Variants in PKNOX2 observed in about 807,000 individuals in gnomAD.
PKNOX2 encodes homeobox protein PKNOX2.
A neutral mutation model predicts 53.1 loss-of-function variants in PKNOX2; 14 were observed. That is an observed-to-expected ratio of 0.26 (90% CI 0.17 to 0.41). The LOEUF (loss-of-function observed/expected upper bound fraction) is 0.41. PKNOX2 is among the 10% of genes least tolerant of loss of function. The pLI is 1.00. For synonymous variants in PKNOX2, 257 were observed against 242.8 expected (o/e 1.06, Z -0.54); for missense variants, 496 against 602.8 (o/e 0.82, Z 1.85).
intron 5 of PKNOX2, among the ~76,000 whole-genome samples, chr11:125,383,220 C>A (rs1229205214): frequency 6.6e-6 from 1 of 152,148 alleles, no homozygotes; most frequent in Non-Finnish European, 1.5e-5. Flanking sequence ...GTTCCCCCAC[C>A]CACTTACAAA....
At chr11:125,279,733 A>T (rs1413977015) in intron 2 of PKNOX2, among the ~76,000 whole-genome samples, 1 of 152,234 alleles carries the variant, frequency 6.6e-6, no homozygotes, top group Non-Finnish European at 1.5e-5. Context: ...CCAGAGTAGG[A>T]TGCCAGTGAA....
chr11:125,274,084 G>T (rs1314817742), intron 2 of PKNOX2, among the ~76,000 whole-genome samples: 1 of 152,192 alleles, frequency 6.6e-6, no homozygotes, highest in Non-Finnish European at 1.5e-5. Context: ...ATTACTTAGT[G>T]TGTATTCTGT....
chr11:125,393,026 G>A (rs191582634), intron 6 of PKNOX2, among the ~76,000 whole-genome samples: 4 of 151,920 alleles, frequency 2.6e-5, no homozygotes, highest in Non-Finnish European at 5.9e-5. Context: ...TTAGCCCGGC[G>A]TGGTGGCGGG....
intron 12 of PKNOX2, 37 bp downstream of exon 12, chr11:125,430,178 T>TA (rs1565524881): frequency 6.3e-7 from 1 of 1,599,668 alleles, no homozygotes; most frequent in Non-Finnish European, 8.5e-7. Flanking sequence ...AGACAAGGGC[T>TA]GGGGGTGCTC....
At chr11:125,403,218 C>A (rs916568404) in intron 7 of PKNOX2, among the ~76,000 whole-genome samples, 5 of 152,138 alleles carry the variant, frequency 3.3e-5, no homozygotes, top group Admixed American at 1.3e-4. Flanking sequence ...GCGACACAGT[C>A]CCAGGTCTCC....
intron 2 of PKNOX2, among the ~76,000 whole-genome samples, chr11:125,264,583 C>T (rs879180447): frequency 2.0e-5 from 3 of 151,830 alleles, no homozygotes; most frequent in Non-Finnish European, 2.9e-5. Context: ...GGTGGGGTGG[C>T]GGGGCCGGGG....
At chr11:125,390,384 T>C (rs1021139630) in intron 6 of PKNOX2, among the ~76,000 whole-genome samples, 3 of 152,340 alleles carry the variant, frequency 2.0e-5, no homozygotes, top group African/African-American at 7.2e-5. Flanking sequence ...GCTCTGGAGC[T>C]AATATCTTCT....
At chr11:125,309,171 CCTCT>C (rs1272614995) in intron 2 of PKNOX2, among the ~76,000 whole-genome samples, 1 of 149,562 alleles carries the variant, frequency 6.7e-6, no homozygotes. Context: ...TTCCTTCCTT[CCTCT>C]CTCTCTTTCT....
At position 125,266,251 on chromosome 11, in the gene PKNOX2, C is replaced by G. The variant is rs941152255; in HGVS notation, c.-130+31136C>G. 2.6e-5 allele frequency among the ~76,000 whole-genome samples: 4 copies of G among 152,314 alleles called. No individual in the cohort carries two copies. In the East Asian group the frequency reaches 5.8e-4, roughly 22 times the overall value. ...TTCTCTGATTTTAGGAGAGAGAAAA[C>G]TGAGGCTCAGACAAGTTAAGTCACT... On this transcript the variant is annotated intron_variant, in intron 2 of 12. Coordinates refer to ENST00000298282, the MANE Select transcript of PKNOX2 (RefSeq NM_001382323.2).
intron 2 of PKNOX2, among the ~76,000 whole-genome samples, chr11:125,237,379 C>A (rs965879697): frequency 7.9e-5 from 12 of 152,140 alleles, no homozygotes; most frequent in Non-Finnish European, 1.3e-4. Context: ...ACATAAATAC[C>A]CCCCTTCTCC....
chr11:125,428,330 G>T (rs1294164585), intron 10 of PKNOX2, among the ~76,000 whole-genome samples: 2 of 152,132 alleles, frequency 1.3e-5, no homozygotes, highest in African/African-American at 2.4e-5. Flanking sequence ...ACCTGAGCTG[G>T]TGCTACCATC....
rs1397312402 is a variant in PKNOX2, at chr11:125,352,013, A to C, written c.87+621A>C. Among the ~76,000 whole-genome samples the C allele has an allele frequency of 1.4e-5, 2 of 147,938 alleles. No individual in the cohort carries two copies. Among genetic ancestry groups the C allele is most frequent in the Non-Finnish European group, 1.5e-5 (1 of 66,818 alleles). ...CCCCCCAAGATCTTCTGCGCTCCCC[A>C]CCCCGATTGCCTCTCCTGCAACATG... On this transcript the variant is annotated intron_variant, in intron 4 of 12. Transcript: ENST00000298282. The surrounding 1 kb of genome is among the most constrained non-coding windows in gnomAD (Gnocchi z 4.1).
intron 3 of PKNOX2, among the ~76,000 whole-genome samples, chr11:125,342,589 T>A: frequency 6.6e-6 from 1 of 152,112 alleles, no homozygotes; most frequent in Non-Finnish European, 1.5e-5. Flanking sequence ...GAGTTGTGGG[T>A]CTCAGGGGCC....
intron 1 of PKNOX2, among the ~76,000 whole-genome samples, chr11:125,229,178 C>T (rs1217323831): frequency 5.3e-5 from 8 of 152,098 alleles, no homozygotes; most frequent in African/African-American, 1.9e-4. Flanking sequence ...TAATGCGACA[C>T]CCCCACCACC....
At chr11:125,417,735 G>A (rs1555173844) in intron 10 of PKNOX2, among the ~76,000 whole-genome samples, 1 of 152,044 alleles carries the variant, frequency 6.6e-6, no homozygotes, top group Non-Finnish European at 1.5e-5. Flanking sequence ...CGTCCTGGGA[G>A]AGGTGTAGAG....
chr11:125,204,692 CAG>C (rs1190908922), intron 1 of PKNOX2, among the ~76,000 whole-genome samples: 1 of 152,190 alleles, frequency 6.6e-6, no homozygotes, highest in Non-Finnish European at 1.5e-5. Context: ...CATTCCCGGT[CAG>C]AGACAGCTCT....
At position 125,415,377 on chromosome 11, in the gene PKNOX2, T is replaced by C. The variant is rs117706071; in HGVS notation, c.936+3512T>C. On this transcript the variant is annotated intron_variant, in intron 10 of 12. Transcript: ENST00000298282. ...GCGATTCTCCTGCCTCAGCTTCCCA[T>C]GTAACTGGGATTACAGGCGTCTACC... Among the ~76,000 whole-genome samples the C allele has an allele frequency of 1.3e-4, 19 of 151,924 alleles. 1 individual carries two copies. The East Asian group carries it at 3.7e-3, about 30-fold the overall frequency.
At chr11:125,330,542 A>C (rs1950079746) in intron 2 of PKNOX2, among the ~76,000 whole-genome samples, 1 of 152,032 alleles carries the variant, frequency 6.6e-6, no homozygotes, top group Admixed American at 6.5e-5. Flanking sequence ...GGAAATTCAC[A>C]AACCACCCTG....
At chr11:125,247,224 A>G (rs1214428909) in intron 2 of PKNOX2, among the ~76,000 whole-genome samples, 1 of 152,072 alleles carries the variant, frequency 6.6e-6, no homozygotes, top group Non-Finnish European at 1.5e-5. Context: ...GCTTATCCAC[A>G]TGAGGTCCTC....
Sources: allele counts gnomAD v4.1 joint callset (sites outside exome capture counted in the v4.1 genomes callset), GRCh38; gene constraint gnomAD v4.1.1; non-coding constraint Gnocchi (gnomAD v3.1); transcripts MANE v1.5; gene names NCBI Gene and HGNC (gene_info 2026-07-23, HGNC 2026-07-21).